The following ALK variants were observed in gnomAD, a reference collection of about 807,000 sequenced individuals.
The protein encoded by ALK is ALK receptor tyrosine kinase, also known as ALK tyrosine kinase receptor.
In ALK, 74 loss-of-function variants were observed where a neutral mutation model predicts 163.1. The ratio of observed to expected loss-of-function variants is 0.45; its 90% CI spans 0.38 to 0.55. The LOEUF is 0.55. Among genes scored for constraint, ALK ranks in the 20% least tolerant of loss-of-function variants. The pLI, the probability that ALK is intolerant of heterozygous loss-of-function variation, is 0.00. For missense variants in ALK, 2,063 were observed against 2,105.3 expected (o/e 0.98, Z 0.39); for synonymous variants, 960 against 843.2 (o/e 1.14, Z -2.40).
chr2:29,530,710 T>C (rs917994355), intron 4 of ALK, among the ~76,000 whole-genome samples: 1 of 152,202 alleles, frequency 6.6e-6, no homozygotes, highest in Non-Finnish European at 1.5e-5. Context: ...TGCCAGAAGA[T>C]AGCTGGTCCC....
intron 1 of ALK, among the ~76,000 whole-genome samples, chr2:29,874,091 T>C (rs1038618295): frequency 3.3e-5 from 5 of 152,182 alleles, no homozygotes; most frequent in Non-Finnish European, 5.9e-5. Context: ...TGACCAAATA[T>C]AGCAATGCAC....
intron 3 of ALK, among the ~76,000 whole-genome samples, chr2:29,635,480 T>C (rs894966399): frequency 2.0e-5 from 3 of 152,190 alleles, no homozygotes; most frequent in Non-Finnish European, 2.9e-5. Context: ...GGCCAAGGGA[T>C]GTCAGCAGCT....
chr2:29,376,806 T>C (rs985309929), intron 5 of ALK, among the ~76,000 whole-genome samples: 3 of 152,246 alleles, frequency 2.0e-5, no homozygotes, highest in African/African-American at 7.2e-5. Context: ...GTTGATTGGT[T>C]CCACATGGCT....
At position 29,325,989 on chromosome 2, in the gene ALK, T is replaced by C. The variant is rs368730474; in HGVS notation, c.1414+2361A>G. Among the ~76,000 whole-genome samples, 7 of 152,260 alleles carry C rather than the reference T, an allele frequency of 4.6e-5. No homozygotes were observed. In the South Asian group the frequency reaches 1.5e-3, roughly 32 times the overall value. On this transcript the variant is annotated intron_variant, in intron 6 of 28. Coordinates refer to ENST00000389048, the MANE Select transcript of ALK (RefSeq NM_004304.5). ...GGCACACAAATAAGAAAAAGGATATTTTCTAAGAGTTTTGCTAAGATCTGA... is the reference window on the plus strand; with the variant it reads ...GGCACACAAATAAGAAAAAGGATATCTTCTAAGAGTTTTGCTAAGATCTGA...
intron 3 of ALK, among the ~76,000 whole-genome samples, chr2:29,691,577 C>G (rs1678397158): frequency 6.6e-6 from 1 of 152,178 alleles, no homozygotes; most frequent in South Asian, 2.1e-4. Context: ...GTTTCACATT[C>G]AGTGTGTGCA....
chr2:29,758,426 G>A (rs1680603287), intron 1 of ALK, among the ~76,000 whole-genome samples: 1 of 152,168 alleles, frequency 6.6e-6, no homozygotes, highest in Admixed American at 6.5e-5. Flanking sequence ...ACAAGCCACT[G>A]GTTAAACCTT....
intron 3 of ALK, among the ~76,000 whole-genome samples, chr2:29,543,010 T>TTA (rs1673453560): frequency 6.6e-6 from 1 of 152,294 alleles, no homozygotes; most frequent in South Asian, 2.1e-4. Context: ...TCAGCTTTTT[T>TTA]TATATATATT....
chr2:29,588,555 T>G (rs1187137735), intron 3 of ALK, among the ~76,000 whole-genome samples: 1 of 152,206 alleles, frequency 6.6e-6, no homozygotes, highest in Non-Finnish European at 1.5e-5. Context: ...GCTCTCTTTT[T>G]GTCTCTAGAT....
chr2:29,542,607 T>C (rs950501410), intron 3 of ALK, among the ~76,000 whole-genome samples: 3 of 152,246 alleles, frequency 2.0e-5, no homozygotes, highest in Non-Finnish European at 4.4e-5. Flanking sequence ...CGTTTTCTAG[T>C]GTCAGTGTTA....
At chr2:29,434,277 T>C (rs1475065896) in intron 4 of ALK, among the ~76,000 whole-genome samples, 5 of 152,194 alleles carry the variant, frequency 3.3e-5, no homozygotes, top group Admixed American at 3.3e-4. Context: ...AAGAGCATAA[T>C]GACCTAATGC....
At chr2:29,255,676 C>T (rs962849070) in intron 11 of ALK, among the ~76,000 whole-genome samples, 3 of 152,134 alleles carry the variant, frequency 2.0e-5, no homozygotes, top group Non-Finnish European at 4.4e-5. Context: ...TTGAAGACTT[C>T]CAAGCCTTGT....
At chr2:29,887,952 A>G (rs2148422459) in intron 1 of ALK, among the ~76,000 whole-genome samples, 1 of 152,316 alleles carries the variant, frequency 6.6e-6, no homozygotes, top group East Asian at 1.9e-4. Flanking sequence ...GCTACCAGGA[A>G]AACCTTTGGC....
chr2:29,226,409 C>A (rs186998497), intron 18 of ALK, among the ~76,000 whole-genome samples: 1 of 138,896 alleles, frequency 7.2e-6, no homozygotes, highest in African/African-American at 2.7e-5. Context: ...ACCTGGGAAG[C>A]GGAGGTTGCA....
intron 3 of ALK, among the ~76,000 whole-genome samples, chr2:29,654,031 C>A (rs1366489603): frequency 6.6e-6 from 1 of 152,100 alleles, no homozygotes; most frequent in Non-Finnish European, 1.5e-5. Flanking sequence ...GCACTCCAGC[C>A]TGGGTGACAG....
At chr2:29,906,240 T>C (rs980234925) in intron 1 of ALK, among the ~76,000 whole-genome samples, 3 of 152,190 alleles carry the variant, frequency 2.0e-5, no homozygotes, top group Non-Finnish European at 2.9e-5. Flanking sequence ...GCATGTATCA[T>C]CATTTCTCAT....
intron 3 of ALK, among the ~76,000 whole-genome samples, chr2:29,635,346 C>A (rs1012762227): frequency 5.3e-5 from 8 of 152,124 alleles, no homozygotes; most frequent in African/African-American, 1.9e-4. Context: ...GGGTATTAAC[C>A]TAGATGATCC....
intron 1 of ALK, among the ~76,000 whole-genome samples, chr2:29,778,893 C>T (rs1055270368): frequency 2.6e-5 from 4 of 152,100 alleles, no homozygotes; most frequent in Admixed American, 6.5e-5. Flanking sequence ...CGGTGGCTCA[C>T]GCCTGTAATC....
At chr2:29,194,036 T>G in intron 28 of ALK, 114 bp from the exon 29 acceptor site, 1 of 1,062,168 alleles carries the variant, frequency 9.4e-7, no homozygotes, top group Non-Finnish European at 1.4e-6. Context: ...GAAACCAGGA[T>G]TTATTGAGAA....
intron 3 of ALK, among the ~76,000 whole-genome samples, chr2:29,587,343 T>C (rs1674916887): frequency 6.6e-6 from 1 of 152,176 alleles, no homozygotes; most frequent in South Asian, 2.1e-4. Context: ...TGGCATAGGC[T>C]GTAAGCTTAT....
Sources: gnomAD v4.1 joint callset for allele counts (sites outside exome capture counted in the v4.1 genomes callset) on GRCh38, gnomAD v4.1.1 for gene constraint, MANE v1.5 for transcripts, NCBI Gene and HGNC (gene_info 2026-07-23, HGNC 2026-07-21) for gene names.